The following ARL15 variants were observed in gnomAD, a reference collection of about 807,000 sequenced individuals.
The protein encoded by ARL15 is ARF like GTPase 15, also known as ADP-ribosylation factor-like protein 15.
ARL15 carries 19 observed loss-of-function variants against 25.2 expected under a neutral mutation model. The observed-to-expected ratio is 0.75, with a 90% CI of 0.53 to 1.10. The LOEUF is 1.10. Ranked by LOEUF, ARL15 falls within the 50% of genes least tolerant of loss-of-function variation. The pLI is 0.00. For missense variants in ARL15, 220 were observed against 246.0 expected, an observed-to-expected ratio of 0.89 and a Z score of 0.71; for synonymous variants, 94 against 86.8, an observed-to-expected ratio of 1.08 and a Z score of -0.46.
chr5:54,282,589 G>GT (rs3842038), intron 1 of ARL15: 105,962 of 977,986 alleles, frequency 0.11, 6,299 homozygotes, highest in East Asian at 0.41. Context: ...TTTAAGGAGT[G>GT]TAACTTATTG....
rs185973891 is a variant in ARL15, at chr5:54,302,566, T to C, written c.48+7866A>G. On this transcript the variant is annotated intron_variant, in intron 1 of 4. Transcript: ENST00000504924. ...AAGACGGTCAGGGAACCAGCAATGA[T>C]GCAGGTTACAGACTCAGATGCCAGC... is the stretch of plus-strand genomic sequence containing the variant. 4.3e-3 allele frequency among the ~76,000 whole-genome samples: 661 copies of C among 152,008 alleles called. 5 individuals are homozygous for C. The highest frequency in any genetic ancestry group is 8.0e-3 in the Non-Finnish European group (542 of 68,010).
chr5:54,052,255 C>T (rs80031190), intron 4 of ARL15, among the ~76,000 whole-genome samples: 5,346 of 151,792 alleles, frequency 0.035, 106 homozygotes, highest in Non-Finnish European at 0.043. Context: ...TATAGCACAA[C>T]GAATAAATCT....
chr5:53,988,027 C>T (rs1025831810), intron 4 of ARL15, among the ~76,000 whole-genome samples: 15 of 151,878 alleles, frequency 9.9e-5, no homozygotes, highest in African/African-American at 3.1e-4. Context: ...GGCATGAACC[C>T]GGGAGGCGGA....
At chr5:54,219,072 C>G (rs1477490399) in intron 1 of ARL15, among the ~76,000 whole-genome samples, 1 of 151,530 alleles carries the variant, frequency 6.6e-6, no homozygotes, top group African/African-American at 2.4e-5. Flanking sequence ...ATTTAGTCGG[C>G]ACTAACATAG....
chr5:54,216,634 T>TACACAC (rs373445503), intron 1 of ARL15, among the ~76,000 whole-genome samples: 75 of 150,444 alleles, frequency 5.0e-4, no homozygotes, highest in African/African-American at 1.2e-3. Flanking sequence ...TATGTATGTG[T>TACACAC]ACACACACAC....
At chr5:53,986,157 G>A (rs1028679737) in intron 4 of ARL15, among the ~76,000 whole-genome samples, 1 of 151,864 alleles carries the variant, frequency 6.6e-6, no homozygotes, top group African/African-American at 2.4e-5. Flanking sequence ...ACCTTCTTTC[G>A]GCCCTGACTC....
At chr5:54,105,428 T>C (rs1752559156) in intron 4 of ARL15, among the ~76,000 whole-genome samples, 2 of 152,052 alleles carry the variant, frequency 1.3e-5, no homozygotes, top group Admixed American at 6.6e-5. Flanking sequence ...CCAAATAATA[T>C]TGTTTGGATA....
chr5:54,039,559 G>C (rs953513528), intron 4 of ARL15, among the ~76,000 whole-genome samples: 3 of 151,990 alleles, frequency 2.0e-5, no homozygotes, highest in African/African-American at 4.8e-5. Context: ...CAGCACTTTA[G>C]GAGGCCGAGG....
chr5:54,150,311 T>C (rs1392615298), intron 3 of ARL15, among the ~76,000 whole-genome samples: 1 of 152,184 alleles, frequency 6.6e-6, no homozygotes, highest in Non-Finnish European at 1.5e-5. Flanking sequence ...GAAGGTAGTC[T>C]TGAAGAAATC....
chr5:54,119,285 T>G (rs2112237870), intron 3 of ARL15, among the ~76,000 whole-genome samples: 1 of 152,296 alleles, frequency 6.6e-6, no homozygotes, highest in South Asian at 2.1e-4. Flanking sequence ...TGGGTTCATT[T>G]GAGGAGTTTT....
At chr5:54,017,171 A>G (rs1749451637) in intron 4 of ARL15, among the ~76,000 whole-genome samples, 1 of 152,220 alleles carries the variant, frequency 6.6e-6, no homozygotes. Flanking sequence ...TCATCAGTAT[A>G]TTTGACCTTA....
intron 1 of ARL15, among the ~76,000 whole-genome samples, chr5:54,212,752 A>C (rs542060792): frequency 6.6e-6 from 1 of 152,324 alleles, no homozygotes; most frequent in South Asian, 2.1e-4. Context: ...GAGATTGAGA[A>C]AGATTAAGCA....
chr5:54,278,712 T>C (rs1258356718), intron 1 of ARL15, among the ~76,000 whole-genome samples: 1 of 152,210 alleles, frequency 6.6e-6, no homozygotes, highest in Non-Finnish European at 1.5e-5. Context: ...TTTCTACCTA[T>C]ACCTTAAGTT....
At chr5:54,095,769 G>T (rs1752266662) in intron 4 of ARL15, among the ~76,000 whole-genome samples, 1 of 151,372 alleles carries the variant, frequency 6.6e-6, no homozygotes, top group South Asian at 2.1e-4. Flanking sequence ...TGTAAAAAGG[G>T]CCCATCTGCA....
chr5:53,901,182 T>C (rs924261995), intron 4 of ARL15, among the ~76,000 whole-genome samples: 1 of 152,172 alleles, frequency 6.6e-6, no homozygotes, highest in Non-Finnish European at 1.5e-5. Context: ...TTCCTTTCTG[T>C]CAATCATTTC....
intron 4 of ARL15, among the ~76,000 whole-genome samples, chr5:53,892,060 T>G (rs1325586742): frequency 6.6e-6 from 1 of 152,252 alleles, no homozygotes; most frequent in Non-Finnish European, 1.5e-5. Context: ...CACAGTTTAC[T>G]AAGGGCTTTT....
chr5:54,273,956 T>C (rs1403710905), intron 1 of ARL15, among the ~76,000 whole-genome samples: 1 of 152,278 alleles, frequency 6.6e-6, no homozygotes, highest in Non-Finnish European at 1.5e-5. Flanking sequence ...CTTTGGCTGA[T>C]GAAAGGCTCT....
chr5:53,965,461 CAAGGTTTTGCTCTTTGT>C (rs1301678691), intron 4 of ARL15, among the ~76,000 whole-genome samples: 1 of 152,016 alleles, frequency 6.6e-6, no homozygotes, highest in Non-Finnish European at 1.5e-5. Flanking sequence ...TTTTATGAGC[CAAGGTTTTGCTCTTTGT>C]AAGATTTCAA....
chr5:54,195,681 T>C (rs1446209043), intron 1 of ARL15, among the ~76,000 whole-genome samples: 1 of 152,226 alleles, frequency 6.6e-6, no homozygotes, highest in Non-Finnish European at 1.5e-5. Context: ...AGATGATCAG[T>C]GCTCAATCCT....
Sources: allele counts gnomAD v4.1 joint callset (sites outside exome capture counted in the v4.1 genomes callset), GRCh38; gene constraint gnomAD v4.1.1; transcripts MANE v1.5; gene names NCBI Gene and HGNC (gene_info 2026-07-23, HGNC 2026-07-21).